Variants in NUP210 observed in about 807,000 individuals in gnomAD.
NUP210 encodes the protein nuclear pore membrane glycoprotein 210.
Under a neutral mutation model 196.0 loss-of-function variants are expected in NUP210, and 151 were observed. That is an observed-to-expected ratio of 0.77 (90% CI 0.67 to 0.88). The LOEUF is 0.88. Among genes scored for constraint, NUP210 ranks in the 40% least tolerant of loss-of-function variants. The pLI is 0.00. For synonymous variants in NUP210, 1,070 were observed against 1,052.7 expected, an observed-to-expected ratio of 1.02 and a Z score of -0.32; for missense variants, 2,314 against 2,493.7, an observed-to-expected ratio of 0.93 and a Z score of 1.53.
intron 6 of NUP210, among the ~76,000 whole-genome samples, chr3:13,382,529 C>A (rs570413696): frequency 6.6e-6 from 1 of 151,384 alleles, no homozygotes; most frequent in South Asian, 2.1e-4. Context: ...AATGTATTTG[C>A]AAGAAAGGGA....
intron 11 of NUP210, 56 bp from the exon 12 acceptor site, chr3:13,373,929 G>GTCAGGGAAT: frequency 6.3e-7 from 1 of 1,584,864 alleles, no homozygotes; most frequent in East Asian, 2.3e-5. Context: ...TGCTGGGGAA[G>GTCAGGGAAT]TCAGAGGGTC....
intron 35 of NUP210, 56 bp from the exon 36 acceptor site, chr3:13,321,891 A>G (rs1696546491): frequency 6.4e-7 from 1 of 1,569,936 alleles, no homozygotes; most frequent in South Asian, 1.2e-5. Context: ...CACTGATGTC[A>G]TTTCTTCTCC....
rs1309975917 is a variant in NUP210 at position 13,343,304 on chromosome 3, C to T, written c.2836-1G>A. ...ATGAGCCCGGGAGCAAAGGGTGCAC[C>T]TGCAAGGTTGGGGCGGAGGTGGAGG... On this transcript the variant is annotated splice_acceptor_variant, in intron 20 of 39. Coordinates refer to ENST00000254508, the MANE Select transcript of NUP210 (RefSeq NM_024923.4). LOFTEE classifies it high-confidence loss of function. 1 of 1,343,538 alleles carries T rather than the reference C, an allele frequency of 7.4e-7. No homozygotes were observed. Among genetic ancestry groups the T allele is most frequent in the Middle Eastern group, 2.1e-4 (1 of 4,822 alleles). The allele number at this position is 1,343,538 out of a possible 1,614,324, so 83.2% of individuals were successfully genotyped here.
intron 1 of NUP210, among the ~76,000 whole-genome samples, chr3:13,416,225 C>G (rs1034403511): frequency 2.0e-5 from 3 of 152,122 alleles, no homozygotes; most frequent in Admixed American, 2.0e-4. Flanking sequence ...CCAAGGTGCC[C>G]AGGAGAGACT....
In NUP210 at chr3:13,337,820, C is replaced by G; in HGVS notation, c.3552+17G>C. ...CTCTTCGGGAACCAGGATTCAGAGCCCAGGAGGTCCCCTCACCTGGGTGCC... is the reference window on the plus strand; with the variant it reads ...CTCTTCGGGAACCAGGATTCAGAGCGCAGGAGGTCCCCTCACCTGGGTGCC... On this transcript the variant is annotated intron_variant, in intron 26 of 39. Transcript: ENST00000254508. The G allele has an allele frequency of 6.2e-7, 1 of 1,602,862 alleles. No individual in the cohort carries two copies. Among genetic ancestry groups the G allele is most frequent in the Non-Finnish European group, 8.5e-7 (1 of 1,176,290 alleles).
intron 17 of NUP210, 55 bp downstream of exon 17, chr3:13,353,860 T>C: frequency 3.3e-6 from 5 of 1,535,434 alleles, no homozygotes; most frequent in African/African-American, 1.4e-5. Flanking sequence ...CTTGGCAGGC[T>C]TCCTGTCTGG....
At chr3:13,337,036 A>G (rs1384893894) in intron 26 of NUP210, 118 bp from the exon 27 acceptor site, 7 of 1,273,436 alleles carry the variant, frequency 5.5e-6, no homozygotes, top group Non-Finnish European at 5.6e-6. Context: ...CCAACTAGAG[A>G]AGAGCATGGC....
intron 29 of NUP210, among the ~76,000 whole-genome samples, chr3:13,331,956 T>G (rs1396961940): frequency 6.6e-6 from 1 of 152,186 alleles, no homozygotes; most frequent in East Asian, 1.9e-4. Flanking sequence ...ATGCTGATGC[T>G]TCTGGCTCAT....
chr3:13,366,200 C>T, intron 13 of NUP210, 109 bp from the exon 14 acceptor site: 1 of 1,076,308 alleles, frequency 9.3e-7, no homozygotes, highest in East Asian at 2.6e-5. Context: ...ATGATCTTGG[C>T]TCACTGCGAC....
intron 13 of NUP210, among the ~76,000 whole-genome samples, chr3:13,370,122 G>A (rs1698679003): frequency 6.6e-6 from 1 of 152,062 alleles, no homozygotes; most frequent in Non-Finnish European, 1.5e-5. Context: ...GTTTCTGTGG[G>A]GTGAGCATCT....
In NUP210 at chr3:13,347,390, CGTT is replaced by C. The variant is rs1187903030; in HGVS notation, c.2836-4090_2836-4088del. On this transcript the variant is annotated intron_variant, in intron 20 of 39. Coordinates refer to ENST00000254508, the MANE Select transcript of NUP210 (RefSeq NM_024923.4). The surrounding 1 kb of genome is among the most constrained non-coding windows in gnomAD (Gnocchi z 4.7). ...AGGACTTGATTGAAATGTAAAGAAT[CGTT>C]GAAAAGAAGGAAAACTTAGGCTTAA... 1.1e-6 allele frequency: 1 copy of C among 948,026 alleles called. No individual in the cohort carries two copies. The highest frequency in any genetic ancestry group is 1.3e-6 in the Non-Finnish European group (1 of 795,978). The allele number at this position is 948,026 out of a possible 1,614,324, so 58.7% of individuals were successfully genotyped here. A position where few individuals can be genotyped will look rare whatever the true frequency, so the allele number is the denominator to read the frequency against.
chr3:13,420,306 G>T lies in NUP210; in HGVS notation c.-80C>A. On this transcript the variant is annotated 5_prime_UTR_variant, in exon 1 of 40. Coordinates refer to ENST00000254508, the MANE Select transcript of NUP210 (RefSeq NM_024923.4). This position sits in a 1 kb window ranked among gnomAD's most constrained non-coding sequence, Gnocchi z 4.8. ...TTGCCCTCCGCTCCCGCCCGCGCGC[G>T]CGCCAGGCCAGCAGGTGATGAGCGC... 1.1e-6 allele frequency: 1 copy of T among 928,250 alleles called. No individual in the cohort carries two copies. The highest frequency in any genetic ancestry group is 1.3e-6 in the Non-Finnish European group (1 of 774,118). The allele number at this position is 928,250 out of a possible 1,614,324, so 57.5% of individuals were successfully genotyped here. A position where few individuals can be genotyped will look rare whatever the true frequency, so the allele number is the denominator to read the frequency against.
intron 20 of NUP210, among the ~76,000 whole-genome samples, chr3:13,346,801 G>A (rs1697750272): frequency 6.6e-6 from 1 of 152,220 alleles, no homozygotes; most frequent in African/African-American, 2.4e-5. Flanking sequence ...AACGTCACGT[G>A]ATGGGCCAGG....
In NUP210 at chr3:13,366,229, A is replaced by G; in HGVS notation, c.1787-138T>C. 3.9e-6 allele frequency: 3 copies of G among 775,324 alleles called. No homozygotes were observed. The South Asian group carries it at 5.7e-5, about 15-fold the overall frequency. The allele number at this position is 775,324 out of a possible 1,614,324, so 48.0% of individuals were successfully genotyped here. A position where few individuals can be genotyped will look rare whatever the true frequency, so the allele number is the denominator to read the frequency against. On this transcript the variant is annotated intron_variant, in intron 13 of 39. Transcript: ENST00000254508. ...CTGCGACCTCCGCCTCCGGGGTTCAAGTGATTCTCCTGCCTCAGCCTCCCA... is the reference window on the plus strand; with the variant it reads ...CTGCGACCTCCGCCTCCGGGGTTCAGGTGATTCTCCTGCCTCAGCCTCCCA...
chr3:13,341,652 G>T, intron 23 of NUP210, 96 bp downstream of exon 23: 2 of 1,379,218 alleles, frequency 1.5e-6, no homozygotes, highest in Non-Finnish European at 2.0e-6. Flanking sequence ...TTTTTATATG[G>T]CTTCTCTACA....
chr3:13,386,158 G>A (rs1699266298), intron 6 of NUP210, 117 bp downstream of exon 6: 2 of 1,104,008 alleles, frequency 1.8e-6, no homozygotes, highest in Non-Finnish European at 2.6e-6. Context: ...TGTACTTGAT[G>A]CTACCTGATG....
At chr3:13,330,255 T>C (rs1167329603) in intron 30 of NUP210, among the ~76,000 whole-genome samples, 9 of 152,254 alleles carry the variant, frequency 5.9e-5, no homozygotes, top group Non-Finnish European at 1.3e-4. Flanking sequence ...TTGGAATCAA[T>C]GATTTCCCAA....
chr3:13,343,432 C>G (rs997020858), intron 20 of NUP210, 129 bp from the exon 21 acceptor site: 40 of 1,177,280 alleles, frequency 3.4e-5, no homozygotes, highest in Non-Finnish European at 3.0e-5. Flanking sequence ...ATGCCAGTGG[C>G]AGAGCCCGCC....
In NUP210 at chr3:13,327,227, G is replaced by T; in HGVS notation, c.4497C>A (p.Thr1499=). Reference sequence around the variant, plus strand: ...CAGGATCTATCTTACCTTCCAGGCTGGTCAGAACAGTGGCCAGACAGAGCA... The same window carrying T: ...CAGGATCTATCTTACCTTCCAGGCTTGTCAGAACAGTGGCCAGACAGAGCA... ...GDVLCLATVL[T]SLEGLSGTWS... is the part of the protein sequence containing the mutation. The change falls in exon 32 of 40, where the codon ACC becomes ACA. Residue 1499 remains threonine, a synonymous_variant. Transcript: ENST00000254508. 6.2e-7 allele frequency: 1 copy of T among 1,612,868 alleles called. No homozygotes were observed. Among genetic ancestry groups the T allele is most frequent in the Non-Finnish European group, 8.5e-7 (1 of 1,179,796 alleles).
Sources: allele counts gnomAD v4.1 joint callset (sites outside exome capture counted in the v4.1 genomes callset), GRCh38; gene constraint gnomAD v4.1.1; non-coding constraint Gnocchi (gnomAD v3.1); transcripts MANE v1.5; gene names NCBI Gene and HGNC (gene_info 2026-07-23, HGNC 2026-07-21).